The following DSCAML1 variants were observed in gnomAD, a reference collection of about 807,000 sequenced individuals.
DSCAML1 encodes the protein DS cell adhesion molecule like 1.
Under a neutral mutation model 200.5 loss-of-function variants are expected in DSCAML1, and 38 were observed. That is an observed-to-expected ratio of 0.19 (90% CI 0.15 to 0.25). The LOEUF (loss-of-function observed/expected upper bound fraction) is 0.25, where lower values mean the gene tolerates loss of function less well. DSCAML1 is among the 10% of genes least tolerant of loss of function. The pLI is 1.00. For missense variants in DSCAML1, 2,223 were observed against 2,858.8 expected (o/e 0.78, Z 5.07); for synonymous variants, 1,215 against 1,165.0 (o/e 1.04, Z -0.87).
At chr11:117,755,736 T>C (rs538542950) in intron 3 of DSCAML1, among the ~76,000 whole-genome samples, 4 of 152,314 alleles carry the variant, frequency 2.6e-5, no homozygotes, top group African/African-American at 9.6e-5. Context: ...ATGATCAGTT[T>C]TCCCCACCCA....
chr11:117,540,339 C>A (rs111777849), intron 3 of DSCAML1, among the ~76,000 whole-genome samples: 2 of 152,032 alleles, frequency 1.3e-5, no homozygotes, highest in Admixed American at 6.5e-5. Flanking sequence ...CTAGGTTGCA[C>A]GCTCCTTATG....
intron 3 of DSCAML1, among the ~76,000 whole-genome samples, chr11:117,772,666 C>T (rs758686050): frequency 1.3e-5 from 2 of 152,188 alleles, no homozygotes; most frequent in Non-Finnish European, 2.9e-5. Flanking sequence ...AGGAACAGGG[C>T]CAGATTTATC....
intron 3 of DSCAML1, among the ~76,000 whole-genome samples, chr11:117,746,997 A>G (rs1316427887): frequency 6.6e-6 from 1 of 152,076 alleles, no homozygotes; most frequent in African/African-American, 2.4e-5. Context: ...GCTCCCCGAG[A>G]GCCCTCCATA....
At chr11:117,655,119 A>T (rs529090273) in intron 3 of DSCAML1, among the ~76,000 whole-genome samples, 1 of 152,360 alleles carries the variant, frequency 6.6e-6, no homozygotes, top group South Asian at 2.1e-4. Flanking sequence ...GCATGGGGCC[A>T]GCTCACACGC....
rs533157883 is a variant in DSCAML1 at position 117,516,265 on chromosome 11, G to A, written c.1783+202C>T. ...ATTCTGCAGCCCGAGGAGGACCCCG[G>A]ATGTAGAGGAGCTCATGGCCTGCGT... On this transcript the variant is annotated intron_variant, in intron 8 of 32. Coordinates refer to ENST00000651296, the MANE Select transcript of DSCAML1 (RefSeq NM_020693.4). The surrounding 1 kb of genome is among the most constrained non-coding windows in gnomAD (Gnocchi z 5.7). Among the ~76,000 whole-genome samples the A allele has an allele frequency of 1.3e-5, 2 of 152,312 alleles. No homozygotes were observed. Among genetic ancestry groups the A allele is most frequent in the African/African-American group, 4.8e-5 (2 of 41,570 alleles).
At chr11:117,595,749 T>C (rs911428929) in intron 3 of DSCAML1, among the ~76,000 whole-genome samples, 2 of 152,040 alleles carry the variant, frequency 1.3e-5, no homozygotes, top group African/African-American at 4.8e-5. Flanking sequence ...TCACCCTGAG[T>C]TGGATTTTTG....
At chr11:117,610,837 ACAAC>A (rs2051673992) in intron 3 of DSCAML1, among the ~76,000 whole-genome samples, 1 of 93,206 alleles carries the variant, frequency 1.1e-5, no homozygotes, top group Non-Finnish European at 2.1e-5. Flanking sequence ...CCAAACCAAA[ACAAC>A]CCCCCCCCCC....
At chr11:117,663,034 C>T (rs565054972) in intron 3 of DSCAML1, among the ~76,000 whole-genome samples, 5 of 151,048 alleles carry the variant, frequency 3.3e-5, no homozygotes, top group Non-Finnish European at 7.4e-5. Context: ...ACTTGCCCCC[C>T]GGAGATGGGG....
intron 3 of DSCAML1, among the ~76,000 whole-genome samples, chr11:117,728,371 C>A (rs974833222): frequency 6.6e-6 from 1 of 152,290 alleles, no homozygotes; most frequent in East Asian, 1.9e-4. Flanking sequence ...AAATCAGGAA[C>A]AAAACGAGGA....
chr11:117,755,522 C>T (rs2054673604), intron 3 of DSCAML1, among the ~76,000 whole-genome samples: 1 of 152,226 alleles, frequency 6.6e-6, no homozygotes, highest in Non-Finnish European at 1.5e-5. Context: ...ATTGTCATCC[C>T]TTTCCTACCC....
At chr11:117,520,867 C>A (rs1398368509) in intron 6 of DSCAML1, among the ~76,000 whole-genome samples, 2 of 152,090 alleles carry the variant, frequency 1.3e-5, no homozygotes, top group African/African-American at 4.8e-5. Context: ...GAGGTTGAGG[C>A]TGCAGTGAGC....
At chr11:117,738,470 G>A (rs534122910) in intron 3 of DSCAML1, among the ~76,000 whole-genome samples, 5 of 152,152 alleles carry the variant, frequency 3.3e-5, no homozygotes, top group African/African-American at 1.2e-4. Flanking sequence ...TGTCAACCAT[G>A]CTTCCTCCTC....
At chr11:117,520,598 T>C (rs2049865719) in intron 6 of DSCAML1, among the ~76,000 whole-genome samples, 1 of 151,638 alleles carries the variant, frequency 6.6e-6, no homozygotes, top group Non-Finnish European at 1.5e-5. Flanking sequence ...AGCTGCAGTT[T>C]CCTCAACAGC....
intron 3 of DSCAML1, among the ~76,000 whole-genome samples, chr11:117,600,158 G>A (rs936599413): frequency 6.6e-6 from 1 of 152,176 alleles, no homozygotes; most frequent in African/African-American, 2.4e-5. Context: ...CAAACATTCC[G>A]TAGGTGTTGG....
At chr11:117,714,808 G>A (rs7930615) in intron 3 of DSCAML1, among the ~76,000 whole-genome samples, 131,662 of 138,116 alleles carry the variant, frequency 0.95, 62,939 homozygotes, top group South Asian at 0.99. Context: ...GGAGACAAGA[G>A]TGAAACTTCA....
chr11:117,715,316 G>T (rs910604545), intron 3 of DSCAML1, among the ~76,000 whole-genome samples: 1 of 151,558 alleles, frequency 6.6e-6, no homozygotes, highest in Admixed American at 6.6e-5. Context: ...AGCTCTCCTT[G>T]CCTGTCCTGA....
chr11:117,452,724 A>C (rs977523020), intron 19 of DSCAML1, among the ~76,000 whole-genome samples: 1 of 152,142 alleles, frequency 6.6e-6, no homozygotes, highest in Admixed American at 6.5e-5. Context: ...AAGTCAAATA[A>C]AAAATATTCT....
rs573362959 is a variant in DSCAML1 at position 117,643,014 on chromosome 11, G to A, written c.512-110492C>T. On this transcript the variant is annotated intron_variant, in intron 3 of 32. Coordinates refer to ENST00000651296, the MANE Select transcript of DSCAML1 (RefSeq NM_020693.4). ...TCTTCACTGAAACCTTTAACCCTCC[G>A]CCTGCAGGGATTTCAGACTTTGCCT... Among the ~76,000 whole-genome samples the A allele has an allele frequency of 2.6e-4, 39 of 152,222 alleles. 1 individual carries two copies. The highest frequency in any genetic ancestry group is 2.1e-3 in the Admixed American group (32 of 15,300).
rs556049795 is a variant in DSCAML1, at chr11:117,620,068, T to C, written c.512-87546A>G. On this transcript the variant is annotated intron_variant, in intron 3 of 32. Coordinates refer to ENST00000651296, the MANE Select transcript of DSCAML1 (RefSeq NM_020693.4). ...ATCTTTAGTACGGTGCTTGGTACAC[T>C]GGAGACAATAAACATTGCTGAGTAA... is the stretch of plus-strand genomic sequence containing the variant. 3.9e-5 allele frequency among the ~76,000 whole-genome samples: 6 copies of C among 152,310 alleles called. No homozygotes were observed. The South Asian group carries it at 1.0e-3, about 26-fold the overall frequency.
Sources: gnomAD v4.1 joint callset for allele counts (sites outside exome capture counted in the v4.1 genomes callset) on GRCh38, gnomAD v4.1.1 for gene constraint, Gnocchi (gnomAD v3.1) non-coding constraint, MANE v1.5 for transcripts, NCBI Gene and HGNC (gene_info 2026-07-23, HGNC 2026-07-21) for gene names.